Variants in SORCS1 observed in about 807,000 individuals in gnomAD.
SORCS1 encodes the protein sortilin related VPS10 domain containing receptor 1, also known as VPS10 domain-containing receptor SorCS1.
A neutral mutation model predicts 146.1 loss-of-function variants in SORCS1; 60 were observed. The ratio of observed to expected loss-of-function variants is 0.41; its 90% CI spans 0.33 to 0.51. The LOEUF (loss-of-function observed/expected upper bound fraction) is 0.51, where lower values mean the gene tolerates loss of function less well. SORCS1 is among the 20% of genes least tolerant of loss of function. The probability of loss-of-function intolerance (pLI) is 0.21; values close to 1 mark genes in which losing one functional copy is unlikely to be tolerated. For missense variants in SORCS1, 1,352 were observed against 1,487.6 expected, an observed-to-expected ratio of 0.91 and a Z score of 1.50; for synonymous variants, 637 against 584.0, an observed-to-expected ratio of 1.09 and a Z score of -1.31.
chr10:107,141,828 A>G (rs1333565716), intron 1 of SORCS1, among the ~76,000 whole-genome samples: 1 of 152,228 alleles, frequency 6.6e-6, no homozygotes, highest in Non-Finnish European at 1.5e-5. Context: ...CTGAGGCAGC[A>G]GAGTGATTTT....
chr10:107,096,462 C>G (rs1272165963), intron 1 of SORCS1, among the ~76,000 whole-genome samples: 2 of 152,152 alleles, frequency 1.3e-5, no homozygotes, highest in Non-Finnish European at 2.9e-5. Flanking sequence ...AAACAACTTA[C>G]TATATCATAT....
intron 1 of SORCS1, among the ~76,000 whole-genome samples, chr10:107,046,461 T>C (rs1959462509): frequency 6.6e-6 from 1 of 152,026 alleles, no homozygotes; most frequent in Non-Finnish European, 1.5e-5. Flanking sequence ...ACTAATAATA[T>C]ATCTATATAA....
intron 1 of SORCS1, among the ~76,000 whole-genome samples, chr10:107,073,327 G>T (rs563482050): frequency 6.6e-6 from 1 of 152,126 alleles, no homozygotes; most frequent in African/African-American, 2.4e-5. Flanking sequence ...ATCTCCATAG[G>T]CATTCATTTA....
intron 18 of SORCS1, among the ~76,000 whole-genome samples, chr10:106,637,745 T>C (rs1053420501): frequency 2.6e-5 from 4 of 152,230 alleles, no homozygotes; most frequent in African/African-American, 9.6e-5. Flanking sequence ...ATGGCTGTTT[T>C]TTCAGGCCCT....
intron 3 of SORCS1, among the ~76,000 whole-genome samples, chr10:106,812,945 G>A (rs1006080969): frequency 4.0e-5 from 6 of 151,594 alleles, no homozygotes; most frequent in African/African-American, 1.2e-4. Flanking sequence ...TGCTCAGCAC[G>A]CACATGCAAT....
intron 2 of SORCS1, among the ~76,000 whole-genome samples, chr10:106,950,593 G>C (rs906841602): frequency 3.3e-5 from 5 of 151,976 alleles, no homozygotes; most frequent in African/African-American, 4.8e-5. Context: ...GTTTGTACGT[G>C]TGTGTGTCTG....
intron 1 of SORCS1, among the ~76,000 whole-genome samples, chr10:106,956,825 T>C (rs1310429761): frequency 6.6e-6 from 1 of 152,234 alleles, no homozygotes; most frequent in Non-Finnish European, 1.5e-5. Flanking sequence ...TACCTGCTCC[T>C]GCAGGCATTT....
chr10:106,614,339 A>G (rs1309884102), intron 21 of SORCS1, among the ~76,000 whole-genome samples: 1 of 152,230 alleles, frequency 6.6e-6, no homozygotes, highest in Non-Finnish European at 1.5e-5. Flanking sequence ...AGGAAGCACA[A>G]AAGTTCACTT....
intron 5 of SORCS1, among the ~76,000 whole-genome samples, chr10:106,759,299 T>C (rs1164517781): frequency 2.0e-5 from 3 of 152,176 alleles, no homozygotes; most frequent in Non-Finnish European, 2.9e-5. Flanking sequence ...AGGGAGATCA[T>C]TGGCTCCTAA....
chr10:106,825,149 G>A (rs923554003), intron 3 of SORCS1, among the ~76,000 whole-genome samples: 3 of 152,062 alleles, frequency 2.0e-5, no homozygotes, highest in African/African-American at 7.2e-5. Context: ...AACAGCTTGG[G>A]TTAGTTGGGG....
chr10:106,713,424 T>G (rs1319120359), intron 6 of SORCS1, among the ~76,000 whole-genome samples: 1 of 152,258 alleles, frequency 6.6e-6, no homozygotes, highest in African/African-American at 2.4e-5. Flanking sequence ...TGTATTAGTG[T>G]CTGATGGCTC....
At chr10:106,877,079 T>C (rs1370825595) in intron 2 of SORCS1, among the ~76,000 whole-genome samples, 1 of 152,248 alleles carries the variant, frequency 6.6e-6, no homozygotes, top group African/African-American at 2.4e-5. Context: ...GTTATTTTTA[T>C]ACCTCTGAAA....
At chr10:106,762,386 CTTTTTT>C (rs869195563) in intron 4 of SORCS1, among the ~76,000 whole-genome samples, 25 of 73,822 alleles carry the variant, frequency 3.4e-4, no homozygotes, top group African/African-American at 1.3e-3. Context: ...TTTTATTATT[CTTTTTT>C]TTTTTTTTTT....
At chr10:106,612,874 G>A (rs1445156936) in intron 21 of SORCS1, among the ~76,000 whole-genome samples, 1 of 151,902 alleles carries the variant, frequency 6.6e-6, no homozygotes, top group African/African-American at 2.4e-5. Context: ...TATGACCCTG[G>A]GCCTCTTTGC....
At chr10:106,948,908 C>T (rs1289775517) in intron 2 of SORCS1, among the ~76,000 whole-genome samples, 1 of 152,032 alleles carries the variant, frequency 6.6e-6, no homozygotes, top group African/African-American at 2.4e-5. Context: ...TTGCAGTAAG[C>T]TGAGATCACG....
At chr10:107,084,092 G>GTTTTTT (rs34590427) in intron 1 of SORCS1, among the ~76,000 whole-genome samples, 13 of 113,786 alleles carry the variant, frequency 1.1e-4, no homozygotes, top group East Asian at 2.6e-4. Flanking sequence ...GTTGTTTTTT[G>GTTTTTT]TTTTTTTTTT....
At chr10:106,742,798 A>T (rs1857453299) in intron 5 of SORCS1, among the ~76,000 whole-genome samples, 1 of 152,132 alleles carries the variant, frequency 6.6e-6, no homozygotes, top group African/African-American at 2.4e-5. Flanking sequence ...TCATGTTGTC[A>T]CTCAAAAAGT....
intron 1 of SORCS1, among the ~76,000 whole-genome samples, chr10:107,029,296 G>C (rs981374394): frequency 3.3e-5 from 5 of 152,186 alleles, no homozygotes; most frequent in Non-Finnish European, 5.9e-5. Flanking sequence ...GCATTTGCAT[G>C]ATGGCCAATA....
chr10:106,906,719 T>C (rs1055382388), intron 2 of SORCS1, among the ~76,000 whole-genome samples: 3 of 152,110 alleles, frequency 2.0e-5, no homozygotes, highest in African/African-American at 4.8e-5. Flanking sequence ...CCAAACCATA[T>C]CATGACTATA....
Sources: gnomAD v4.1 joint callset for allele counts (sites outside exome capture counted in the v4.1 genomes callset) on GRCh38, gnomAD v4.1.1 for gene constraint, MANE v1.5 for transcripts, NCBI Gene and HGNC (gene_info 2026-07-23, HGNC 2026-07-21) for gene names.